The following PPP1R21 variants were observed in gnomAD, a reference collection of about 807,000 sequenced individuals.
PPP1R21 encodes protein phosphatase 1 regulatory subunit 21.
A neutral mutation model predicts 112.8 loss-of-function variants in PPP1R21; 85 were observed. The observed-to-expected ratio is 0.75, with a 90% CI of 0.63 to 0.90. The LOEUF is 0.90. Among genes scored for constraint, PPP1R21 ranks in the 40% least tolerant of loss-of-function variants. The pLI is 0.00. For missense variants in PPP1R21, 1,199 were observed against 901.5 expected, an observed-to-expected ratio of 1.33 and a Z score of -4.23; for synonymous variants, 381 against 322.3, an observed-to-expected ratio of 1.18 and a Z score of -1.95.
At chr2:48,504,007 A>G (rs1670256713) in intron 17 of PPP1R21, among the ~76,000 whole-genome samples, 1 of 151,804 alleles carries the variant, frequency 6.6e-6, no homozygotes, top group African/African-American at 2.4e-5. Flanking sequence ...CCTTTGAAGG[A>G]CTTGGTGCTG....
rs573178700 is a variant in PPP1R21, at chr2:48,514,696, G to T, written c.2314-19G>T. 6.5e-7 allele frequency: 1 copy of T among 1,538,658 alleles called. No homozygotes were observed. The highest frequency in any genetic ancestry group is 1.7e-5 in the Admixed American group (1 of 59,686). ...TTTTTATGTTTATGTTCTTATTGTT[G>T]ATATTTTTCTTTGCACAGGGGAATT... On this transcript the variant is annotated intron_variant, in intron 21 of 21. Transcript: ENST00000294952.
chr2:48,486,610 T>G, intron 13 of PPP1R21, 21 bp from the exon 14 acceptor site: 1 of 1,576,414 alleles, frequency 6.3e-7, no homozygotes, highest in South Asian at 1.1e-5. Context: ...ATAATGAATT[T>G]TCATGTAATT....
At chr2:48,461,492 C>T (rs1667978094) in intron 7 of PPP1R21, among the ~76,000 whole-genome samples, 1 of 151,964 alleles carries the variant, frequency 6.6e-6, no homozygotes, top group Admixed American at 6.6e-5. Flanking sequence ...TAGCATTTTC[C>T]AAGATAAAAA....
At chr2:48,495,029 C>T (rs1669763037) in intron 15 of PPP1R21, among the ~76,000 whole-genome samples, 2 of 152,090 alleles carry the variant, frequency 1.3e-5, no homozygotes. Context: ...TGTTGAATAT[C>T]TCATGTAACT....
In PPP1R21 at chr2:48,510,018, C is replaced by A; in HGVS notation, c.2089C>A (p.Arg697=). 1 of 1,610,888 alleles carries A rather than the reference C, an allele frequency of 6.2e-7. No homozygotes were observed. The highest frequency in any genetic ancestry group is 2.2e-5 in the East Asian group (1 of 44,836). Residue 697 remains arginine, a synonymous_variant, in exon 20 of 22, where the codon CGA becomes AGA. Coordinates refer to ENST00000294952, the MANE Select transcript of PPP1R21 (RefSeq NM_001135629.3). The stretch of plus-strand genomic sequence containing the variant: ...GGAATGTTTTCTGATTTTACAGTGC[C>A]GAGCACTGTCTAAAAGACTGGCCTT... ...SKSVHFYAEC[R]ALSKRLALAE...
At chr2:48,462,903 G>T (rs1441979576) in intron 7 of PPP1R21, among the ~76,000 whole-genome samples, 1 of 152,176 alleles carries the variant, frequency 6.6e-6, no homozygotes, top group Non-Finnish European at 1.5e-5. Context: ...AGATGTGGAA[G>T]ATCTTGTGGA....
chr2:48,473,036 A>T (rs1430612995), intron 11 of PPP1R21, among the ~76,000 whole-genome samples: 2 of 150,880 alleles, frequency 1.3e-5, no homozygotes, highest in African/African-American at 4.8e-5. Flanking sequence ...ATATATAAGT[A>T]ATTATAAGTC....
intron 17 of PPP1R21, among the ~76,000 whole-genome samples, chr2:48,505,160 G>T (rs751558354): frequency 3.6e-4 from 55 of 152,082 alleles, no homozygotes; most frequent in Non-Finnish European, 7.1e-4. Flanking sequence ...TTTATTATTT[G>T]CATTTTCTGT....
At chr2:48,450,117 CAA>C (rs1055022702) in intron 1 of PPP1R21, among the ~76,000 whole-genome samples, 8 of 152,096 alleles carry the variant, frequency 5.3e-5, no homozygotes, top group African/African-American at 1.7e-4. Context: ...AAAAAAAGCC[CAA>C]GTTTTACCTC....
intron 7 of PPP1R21, among the ~76,000 whole-genome samples, chr2:48,462,422 A>AT (rs1466808523): frequency 9.2e-5 from 14 of 152,248 alleles, no homozygotes; most frequent in Admixed American, 9.2e-4. Context: ...AGAGAAGGAC[A>AT]TGTTACTGCT....
intron 12 of PPP1R21, among the ~76,000 whole-genome samples, chr2:48,477,333 C>T (rs749788981): frequency 6.6e-6 from 1 of 151,940 alleles, no homozygotes; most frequent in African/African-American, 2.4e-5. Context: ...GTTGGCCAGG[C>T]TGGTCTCGAA....
intron 9 of PPP1R21, among the ~76,000 whole-genome samples, chr2:48,468,829 A>ATGTATGTGTGTG (rs1553339042): frequency 2.0e-5 from 3 of 146,428 alleles, no homozygotes; most frequent in African/African-American, 5.1e-5. Context: ...AAAAAAATGT[A>ATGTATGTGTGTG]TGTGTGTGTG....
At chr2:48,487,949 A>G (rs1669385700) in intron 14 of PPP1R21, among the ~76,000 whole-genome samples, 1 of 152,180 alleles carries the variant, frequency 6.6e-6, no homozygotes, top group African/African-American at 2.4e-5. Context: ...TTATTGCAGC[A>G]GACTCAGCAT....
intron 13 of PPP1R21, among the ~76,000 whole-genome samples, chr2:48,481,238 C>T (rs894686843): frequency 6.6e-6 from 1 of 152,200 alleles, no homozygotes; most frequent in Admixed American, 6.5e-5. Flanking sequence ...ACCCACCTGC[C>T]GTGGCCTCCC....
intron 15 of PPP1R21, among the ~76,000 whole-genome samples, chr2:48,495,088 G>T (rs1176839632): frequency 5.3e-5 from 8 of 152,202 alleles, no homozygotes; most frequent in Admixed American, 5.2e-4. Context: ...GTATGTATAA[G>T]TACTCAAAAA....
chr2:48,495,827 C>A (rs1304482762), intron 16 of PPP1R21, 56 bp downstream of exon 16: 2 of 1,023,730 alleles, frequency 2.0e-6, no homozygotes, highest in East Asian at 4.8e-5. Flanking sequence ...TTAAATCCCC[C>A]ATAGAAAGTT....
At chr2:48,509,477 G>T (rs1235149073) in intron 19 of PPP1R21, among the ~76,000 whole-genome samples, 1 of 151,758 alleles carries the variant, frequency 6.6e-6, no homozygotes, top group African/African-American at 2.4e-5. Context: ...AGGCTGAGGT[G>T]GGCAGATCAC....
Position 48,451,026 on chromosome 2 carries a change from G to A in PPP1R21, c.76G>A (p.Val26Ile). Reference sequence around the variant, plus strand: ...TTTTCAGCTTCGGGCTCAGAATCAGGTTCTGAAAAAAGGTGTTGTGGATGA... The same window carrying A: ...TTTTCAGCTTCGGGCTCAGAATCAGATTCTGAAAAAAGGTGTTGTGGATGA... Reference protein sequence around the residue: ...EYSKLRAQNQVLKKGVVDEQA... With the variant: ...EYSKLRAQNQILKKGVVDEQA... The change falls in exon 2 of 22, where the codon GTT becomes ATT. Residue 26 changes from valine (V) to isoleucine (I), a missense_variant. By Grantham distance (29) the Val-to-Ile change is conservative. Transcript: ENST00000294952. 1 of 1,613,606 alleles carries A rather than the reference G, an allele frequency of 6.2e-7. No homozygotes were observed. Among genetic ancestry groups the A allele is most frequent in the South Asian group, 1.1e-5 (1 of 91,064 alleles).
chr2:48,456,911 G>T (rs532446743), intron 3 of PPP1R21, among the ~76,000 whole-genome samples: 148 of 152,226 alleles, frequency 9.7e-4, no homozygotes, highest in African/African-American at 3.4e-3. Context: ...AATTAGCCCA[G>T]CATGGTGGTA....
Sources: allele counts gnomAD v4.1 joint callset (sites outside exome capture counted in the v4.1 genomes callset), GRCh38; gene constraint gnomAD v4.1.1; transcripts MANE v1.5; gene names NCBI Gene and HGNC (gene_info 2026-07-23, HGNC 2026-07-21).